Variants in DMRTB1 observed in about 807,000 individuals in gnomAD.
DMRTB1 encodes the protein doublesex- and mab-3-related transcription factor B1.
DMRTB1 carries 9 observed loss-of-function variants against 25.2 expected under a neutral mutation model. That is an observed-to-expected ratio of 0.36 (90% CI 0.22 to 0.62). The LOEUF (loss-of-function observed/expected upper bound fraction) is 0.62, where lower values mean the gene tolerates loss of function less well. DMRTB1 is among the 20% of genes least tolerant of loss of function. DMRTB1 has a pLI of 0.71. For missense variants in DMRTB1, 551 were observed against 499.3 expected (o/e 1.10, Z -0.99); for synonymous variants, 269 against 238.1 (o/e 1.13, Z -1.20).
intron 2 of DMRTB1, among the ~76,000 whole-genome samples, chr1:53,462,970 G>C (rs577433841): frequency 2.6e-5 from 4 of 152,248 alleles, no homozygotes; most frequent in Non-Finnish European, 4.4e-5. Flanking sequence ...GGAGCCTGGC[G>C]TCCAGGGCAG....
At chr1:53,463,456 G>A (rs926166874) in intron 2 of DMRTB1, among the ~76,000 whole-genome samples, 1 of 152,196 alleles carries the variant, frequency 6.6e-6, no homozygotes, top group Non-Finnish European at 1.5e-5. Context: ...TCGGGTCTTG[G>A]TCTGTAAAAT....
chr1:53,459,685 T>G lies in DMRTB1; in HGVS notation c.232T>G (p.Ser78Ala), dbSNP rs1217445100. The G allele has an allele frequency of 5.9e-6, 9 of 1,514,720 alleles. No individual in the cohort carries two copies. In the African/African-American group the frequency reaches 1.3e-4, roughly 22 times the overall value. 93.8% of individuals were successfully genotyped at this position (1,514,720 alleles called of 1,614,324 possible). A position where few individuals can be genotyped will look rare whatever the true frequency, so the allele number is the denominator to read the frequency against. Residue 78 changes from serine to alanine, a missense_variant, in exon 1 of 4, where the codon TCC becomes GCC. Coordinates refer to ENST00000371445, the MANE Select transcript of DMRTB1 (RefSeq NM_033067.3). ...ALCAQGPKQA[S>A]GAAAAAPAPV... ...GTGTGCGCAGGGGCCCAAGCAGGCC[T>G]CCGGGGCTGCGGCCGCCGCCCCCGC... is the stretch of plus-strand genomic sequence containing the variant.
At chr1:53,460,242 G>C in intron 1 of DMRTB1, 1 of 646,264 alleles carries the variant, frequency 1.5e-6, no homozygotes, top group Non-Finnish European at 2.4e-6. Flanking sequence ...GGGCGGTTCA[G>C]AGGGCTTTTA....
chr1:53,466,272 C>T (rs1384260130), intron 3 of DMRTB1, among the ~76,000 whole-genome samples: 3 of 152,182 alleles, frequency 2.0e-5, no homozygotes, highest in African/African-American at 7.2e-5. Flanking sequence ...GGGTGGATCA[C>T]CTGAGGTCAG....
At chr1:53,461,757 G>A in intron 2 of DMRTB1, 112 bp downstream of exon 2, 2 of 1,305,506 alleles carry the variant, frequency 1.5e-6, no homozygotes, top group Non-Finnish European at 1.0e-6. Flanking sequence ...CCCACGCCAT[G>A]CCAGCCCCCG....
chr1:53,466,697 G>T lies in DMRTB1; in HGVS notation c.*35G>T. 6.3e-7 allele frequency: 1 copy of T among 1,599,090 alleles called. No homozygotes were observed. Among genetic ancestry groups the T allele is most frequent in the Non-Finnish European group, 8.5e-7 (1 of 1,170,562 alleles). ...CCGCCCTCCTGGCCAGCAGAGTGGGGCACTGGGGGGCAACAGCAACAGTTT... is the reference window on the plus strand; with the variant it reads ...CCGCCCTCCTGGCCAGCAGAGTGGGTCACTGGGGGGCAACAGCAACAGTTT... On this transcript the variant is annotated 3_prime_UTR_variant, in exon 4 of 4. Coordinates refer to ENST00000371445, the MANE Select transcript of DMRTB1 (RefSeq NM_033067.3).
At position 53,464,690 on chromosome 1, in the gene DMRTB1, G is replaced by A. The variant is rs377154853; in HGVS notation, c.804G>A (p.Pro268=). The A allele has an allele frequency of 3.3e-5, 54 of 1,613,112 alleles. No homozygotes were observed. Among genetic ancestry groups the A allele is most frequent in the African/African-American group, 3.3e-4 (25 of 74,974 alleles). ...FQPSYYLPPP[P]PPLPPLPPLP... is the part of the protein sequence containing the mutation. ...CAAGCTACTACCTGCCGCCGCCGCC[G>A]CCGCCACTGCCGCCCCTTCCACCGC... The change falls in exon 3 of 4, where the codon CCG becomes CCA. Residue 268 remains proline, a synonymous_variant. Coordinates refer to ENST00000371445, the MANE Select transcript of DMRTB1 (RefSeq NM_033067.3).
At chr1:53,460,196 C>A in intron 1 of DMRTB1, 166 bp downstream of exon 1, 1 of 1,023,450 alleles carries the variant, frequency 9.8e-7, no homozygotes, top group Non-Finnish European at 1.3e-6. Flanking sequence ...GATTGGGTAA[C>A]TTTTCGCAAA....
chr1:53,466,015 T>C (rs1311658720), intron 3 of DMRTB1, among the ~76,000 whole-genome samples: 1 of 152,258 alleles, frequency 6.6e-6, no homozygotes, highest in Non-Finnish European at 1.5e-5. Context: ...AAGGGGAAGC[T>C]GAGGTTCAGA....
At chr1:53,460,551 C>G (rs555151949) in intron 1 of DMRTB1, 1 of 153,410 alleles carries the variant, frequency 6.5e-6, no homozygotes, top group African/African-American at 2.4e-5. Context: ...CTCCGTTTCC[C>G]CACGTGCAGG....
rs541580193 is a variant in DMRTB1, at chr1:53,459,426, G to C, written c.-28G>C. The C allele has an allele frequency of 9.3e-6, 15 of 1,612,622 alleles. No individual in the cohort carries two copies. The South Asian group carries it at 1.6e-4, about 18-fold the overall frequency. On this transcript the variant is annotated 5_prime_UTR_variant, in exon 1 of 4. Transcript: ENST00000371445. ...TTGCTCTGCAGCTCCCAGAGGTGGT[G>C]GTTGTGTTACGAAGGCTGACCCTGC...
At chr1:53,460,832 C>T (rs955465312) in intron 1 of DMRTB1, among the ~76,000 whole-genome samples, 1 of 152,198 alleles carries the variant, frequency 6.6e-6, no homozygotes, top group Non-Finnish European at 1.5e-5. Flanking sequence ...TGGACAAGCT[C>T]CTGCCCTCTG....
At position 53,460,279 on chromosome 1, in the gene DMRTB1, C is replaced by T. The variant is rs563781157; in HGVS notation, c.577+249C>T. ...CATTTAGCTGTAGTTTGTGCCATTC[C>T]GGCATGCAAGAACAAAATGGCGTCC... On this transcript the variant is annotated intron_variant, in intron 1 of 3. Transcript: ENST00000371445. The T allele has an allele frequency of 1.1e-4, 49 of 465,182 alleles. No homozygotes were observed. The South Asian group carries it at 1.2e-3, about 11-fold the overall frequency. The allele number at this position is 465,182 out of a possible 1,614,324, so 28.8% of individuals were successfully genotyped here. A position where few individuals can be genotyped will look rare whatever the true frequency, so the allele number is the denominator to read the frequency against.
Position 53,459,970 on chromosome 1 carries a change from G to A in DMRTB1, c.517G>A (p.Gly173Ser), listed in dbSNP as rs527471437. The change falls in exon 1 of 4, where the codon GGC becomes AGC. Residue 173 changes from glycine to serine, a missense_variant. Transcript: ENST00000371445. ...GGAGGCCGCAGGCAGTGGCTACCCT[G>A]GCCCCCTAGACCTGCGCAGGCCGAT... ...GAEAAGSGYP[G>S]PLDLRRPMRT... The A allele has an allele frequency of 1.3e-6, 2 of 1,582,036 alleles. No individual in the cohort carries two copies. Among genetic ancestry groups the A allele is most frequent in the Admixed American group, 1.7e-5 (1 of 59,068 alleles).
In DMRTB1 at chr1:53,459,651, G is replaced by A. The variant is rs1013817384; in HGVS notation, c.198G>A (p.Glu66=). ...CGCAGGCCGCCGAGGAGGAGCAGGAGGCGGCCCTGTGTGCGCAGGGGCCCA... is the reference window on the plus strand; with the variant it reads ...CGCAGGCCGCCGAGGAGGAGCAGGAAGCGGCCCTGTGTGCGCAGGGGCCCA... ...LKTQAAEEEQ[E]AALCAQGPKQ... Residue 66 remains glutamate (E), a synonymous_variant, in exon 1 of 4, where the codon GAG becomes GAA. Transcript: ENST00000371445. 8 of 1,552,242 alleles carry A rather than the reference G, an allele frequency of 5.2e-6. No individual in the cohort carries two copies. In the African/African-American group the frequency reaches 8.2e-5, roughly 16 times the overall value.
chr1:53,465,046 T>C (rs533435845), intron 3 of DMRTB1, among the ~76,000 whole-genome samples, 199 bp downstream of exon 3: 1 of 152,306 alleles, frequency 6.6e-6, no homozygotes, highest in East Asian at 1.9e-4. Flanking sequence ...GGAATGGGAT[T>C]CCAGGTGAGG....
At chr1:53,460,093 G>C in intron 1 of DMRTB1, 63 bp downstream of exon 1, 1 of 1,480,666 alleles carries the variant, frequency 6.8e-7, no homozygotes, top group Non-Finnish European at 8.9e-7. Flanking sequence ...CAGCCCGGAT[G>C]GGGAGCTGGC....
rs1001307444 is a variant in DMRTB1 at position 53,464,743 on chromosome 1, C to T, written c.857C>T (p.Pro286Leu). 6.2e-7 allele frequency: 1 copy of T among 1,613,568 alleles called. No individual in the cohort carries two copies. Among genetic ancestry groups the T allele is most frequent in the Non-Finnish European group, 8.5e-7 (1 of 1,179,696 alleles). ...PLPPQPQFLPPGYLSALHFLP... is the reference protein window; with the variant it reads ...PLPPQPQFLPLGYLSALHFLP... ...CCACCGCAGCCCCAGTTCCTCCCGCCAGGCTACCTCTCTGCGCTCCACTTC... is the reference window on the plus strand; with the variant it reads ...CCACCGCAGCCCCAGTTCCTCCCGCTAGGCTACCTCTCTGCGCTCCACTTC... The change falls in exon 3 of 4, where the codon CCA becomes CTA. Residue 286 changes from proline (P) to leucine (L), a missense_variant. By Grantham distance (98) the Pro-to-Leu change is moderately conservative. Coordinates refer to ENST00000371445, the MANE Select transcript of DMRTB1 (RefSeq NM_033067.3).
chr1:53,459,660 G>C lies in DMRTB1; in HGVS notation c.207G>C (p.Leu69=). 2.6e-6 allele frequency: 4 copies of C among 1,549,294 alleles called. No individual in the cohort carries two copies. The highest frequency in any genetic ancestry group is 3.5e-6 in the Non-Finnish European group (4 of 1,147,534). ...CCGAGGAGGAGCAGGAGGCGGCCCT[G>C]TGTGCGCAGGGGCCCAAGCAGGCCT... ...QAAEEEQEAA[L]CAQGPKQASG... is the part of the protein sequence containing the mutation. Residue 69 remains leucine (L), a synonymous_variant, in exon 1 of 4, where the codon CTG becomes CTC. Transcript: ENST00000371445.
Sources: gnomAD v4.1 joint callset for allele counts (sites outside exome capture counted in the v4.1 genomes callset) on GRCh38, gnomAD v4.1.1 for gene constraint, MANE v1.5 for transcripts, NCBI Gene and HGNC (gene_info 2026-07-23, HGNC 2026-07-21) for gene names.